ATG16L1: variants seen among roughly 807,000 people sequenced by gnomAD.
The protein encoded by ATG16L1 is autophagy-related protein 16-1.
ATG16L1 carries 37 observed loss-of-function variants against 88.5 expected under a neutral mutation model. The ratio of observed to expected loss-of-function variants is 0.42; its 90% CI spans 0.32 to 0.55. The LOEUF is 0.55. Ranked by LOEUF, ATG16L1 falls within the 20% of genes least tolerant of loss-of-function variation. The pLI is 0.13. For synonymous variants in ATG16L1, 301 were observed against 281.0 expected (o/e 1.07, Z -0.71); for missense variants, 554 against 752.8 (o/e 0.74, Z 3.09).
chr2:233,264,661 T>G (rs1297918889), intron 4 of ATG16L1, among the ~76,000 whole-genome samples: 1 of 152,208 alleles, frequency 6.6e-6, no homozygotes, highest in Non-Finnish European at 1.5e-5. Flanking sequence ...TTTACCAATC[T>G]AAGCATCGAA....
At chr2:233,289,408 T>TGTGTGTGTGTGA (rs144316394) in intron 12 of ATG16L1, among the ~76,000 whole-genome samples, 2 of 149,654 alleles carry the variant, frequency 1.3e-5, no homozygotes, top group South Asian at 4.3e-4. Flanking sequence ...TGTGTGTGTG[T>TGTGTGTGTGTGA]GACAGGATCT....
chr2:233,288,613 T>G (rs764134091), intron 12 of ATG16L1: 8 of 398,496 alleles, frequency 2.0e-5, no homozygotes, highest in Non-Finnish European at 3.5e-5. Flanking sequence ...AAAACATCAG[T>G]GAATACCTTC....
Position 233,290,236 on chromosome 2 carries a change from C to T in ATG16L1, c.1325-12C>T, listed in dbSNP as rs1177391415. 1 of 1,612,654 alleles carries T rather than the reference C, an allele frequency of 6.2e-7. No homozygotes were observed. Among genetic ancestry groups the T allele is most frequent in the Non-Finnish European group, 8.5e-7 (1 of 1,178,826 alleles). On this transcript the variant is annotated splice_polypyrimidine_tract_variant and intron_variant, in intron 13 of 17. Coordinates refer to ENST00000392017, the MANE Select transcript of ATG16L1 (RefSeq NM_030803.7). The stretch of plus-strand genomic sequence containing the variant: ...GCCTCTGCTTGATTAATGATGTTTG[C>T]ATTTCTTTCAGGCATAAAGACAGTG...
chr2:233,292,015 G>A (rs1443044179), intron 14 of ATG16L1, 113 bp from the exon 15 acceptor site: 21 of 1,261,078 alleles, frequency 1.7e-5, no homozygotes, highest in South Asian at 8.6e-5. Flanking sequence ...CATTGACTGC[G>A]CTGGCAGAGC....
At chr2:233,275,941 A>T (rs763982952) in intron 9 of ATG16L1, 5 of 519,102 alleles carry the variant, frequency 9.6e-6, no homozygotes, top group African/African-American at 7.7e-5. Flanking sequence ...GTTACACAGG[A>T]GACTGACGAG....
intron 12 of ATG16L1, among the ~76,000 whole-genome samples, chr2:233,284,554 G>A (rs571588832): frequency 2.1e-4 from 32 of 151,974 alleles, no homozygotes; most frequent in Non-Finnish European, 3.8e-4. Context: ...GGACGTTCTC[G>A]ATCTCCTGAC....
chr2:233,266,177 T>TG (rs1203489079), intron 5 of ATG16L1: 1 of 150,076 alleles, frequency 6.7e-6, no homozygotes, highest in Non-Finnish European at 1.5e-5. Flanking sequence ...AAGTAGCTCA[T>TG]GCCTGTAATC....
At chr2:233,260,664 G>C (rs1697142956) in intron 2 of ATG16L1, among the ~76,000 whole-genome samples, 1 of 152,174 alleles carries the variant, frequency 6.6e-6, no homozygotes, top group Non-Finnish European at 1.5e-5. Context: ...GTCCTTGGAG[G>C]CTTTGGGTCA....
chr2:233,265,159 A>G lies in ATG16L1; in HGVS notation c.641+16A>G, dbSNP rs1697478580. On this transcript the variant is annotated intron_variant, in intron 5 of 17. Coordinates refer to ENST00000392017, the MANE Select transcript of ATG16L1 (RefSeq NM_030803.7). ...AAGACTCCAGGTGGGCTATCAATCC[A>G]CAGTTAGTGGTTTCCATCCTTAGTA... is the stretch of plus-strand genomic sequence containing the variant. 20 of 1,613,314 alleles carry G rather than the reference A, an allele frequency of 1.2e-5. No individual in the cohort carries two copies. Among genetic ancestry groups the G allele is most frequent in the Non-Finnish European group, 1.6e-5 (19 of 1,179,910 alleles).
intron 12 of ATG16L1, among the ~76,000 whole-genome samples, chr2:233,285,763 G>A (rs565042887): frequency 6.6e-6 from 1 of 152,244 alleles, no homozygotes; most frequent in East Asian, 1.9e-4. Context: ...AGATGGTACT[G>A]GAGGACAGGA....
At chr2:233,269,883 A>G (rs983777866) in intron 5 of ATG16L1, 119 bp from the exon 6 acceptor site, 12 of 906,998 alleles carry the variant, frequency 1.3e-5, no homozygotes, top group Non-Finnish European at 1.9e-5. Context: ...TGCTCAGGGT[A>G]GTTGTTATTT....
intron 10 of ATG16L1, among the ~76,000 whole-genome samples, chr2:233,280,648 A>G (rs966773825): frequency 6.6e-6 from 1 of 152,232 alleles, no homozygotes; most frequent in African/African-American, 2.4e-5. Context: ...TTACCACACC[A>G]TGGGTCCAGA....
chr2:233,284,710 T>G lies in ATG16L1; in HGVS notation c.1203+1957T>G, dbSNP rs183749722. On this transcript the variant is annotated intron_variant, in intron 12 of 17. Transcript: ENST00000392017. ...GTCTCGAACTCCTGACCTCAAGTGATCCGTCTGCCTCGGCCTCCCAAAGTG... is the reference window on the plus strand; with the variant it reads ...GTCTCGAACTCCTGACCTCAAGTGAGCCGTCTGCCTCGGCCTCCCAAAGTG... Among the ~76,000 whole-genome samples, 8 of 152,194 alleles carry G rather than the reference T, an allele frequency of 5.3e-5. No homozygotes were observed. In the East Asian group the frequency reaches 1.5e-3, roughly 29 times the overall value.
chr2:233,291,383 G>C (rs929704085), intron 14 of ATG16L1, among the ~76,000 whole-genome samples: 1 of 152,222 alleles, frequency 6.6e-6, no homozygotes, highest in Non-Finnish European at 1.5e-5. Context: ...TAATTTGACA[G>C]GTGAAGACCC....
At chr2:233,290,112 A>C (rs1039531672) in intron 13 of ATG16L1, 136 bp from the exon 14 acceptor site, 1 of 1,501,646 alleles carries the variant, frequency 6.7e-7, no homozygotes, top group Non-Finnish European at 9.2e-7. Context: ...GGCACTGAGG[A>C]TAGTGATAGT....
At chr2:233,263,941 A>G (rs370269158) in intron 3 of ATG16L1, 51 bp from the exon 4 acceptor site, 78 of 1,580,794 alleles carry the variant, frequency 4.9e-5, no homozygotes, top group Non-Finnish European at 6.5e-5. Flanking sequence ...GTAGTTTCCA[A>G]ATGAGGTCCT....
intron 5 of ATG16L1, among the ~76,000 whole-genome samples, chr2:233,269,483 G>C (rs576660916): frequency 6.6e-6 from 1 of 152,230 alleles, no homozygotes; most frequent in South Asian, 2.1e-4. Context: ...TCAGATTTCC[G>C]ATTTACCATT....
chr2:233,282,539 C>G, intron 11 of ATG16L1, 143 bp from the exon 12 acceptor site: 1 of 711,326 alleles, frequency 1.4e-6, no homozygotes, highest in Non-Finnish European at 2.5e-6. Context: ...AGCACACTCA[C>G]GACAGTAGCT....
At chr2:233,290,396 C>A (rs752853576) in intron 14 of ATG16L1, 43 bp downstream of exon 14, 6 of 1,467,924 alleles carry the variant, frequency 4.1e-6, no homozygotes, top group South Asian at 2.3e-5. Flanking sequence ...TAAGAGTCTC[C>A]ACAGTAATGG....
Sources: allele counts gnomAD v4.1 joint callset (sites outside exome capture counted in the v4.1 genomes callset), GRCh38; gene constraint gnomAD v4.1.1; transcripts MANE v1.5; gene names NCBI Gene and HGNC (gene_info 2026-07-23, HGNC 2026-07-21).